The following ROBO1 variants were observed in gnomAD, a reference collection of about 807,000 sequenced individuals.
ROBO1 encodes roundabout homolog 1.
In ROBO1, 149 loss-of-function variants were observed where a neutral mutation model predicts 195.9. The ratio of observed to expected loss-of-function variants is 0.76; its 90% CI spans 0.67 to 0.87. The LOEUF (loss-of-function observed/expected upper bound fraction) is 0.87. Ranked by LOEUF, ROBO1 falls within the 40% of genes least tolerant of loss-of-function variation. ROBO1 has a pLI of 0.00. For missense variants in ROBO1, 1,933 were observed against 2,068.3 expected, an observed-to-expected ratio of 0.93 and a Z score of 1.27; for synonymous variants, 816 against 733.2, an observed-to-expected ratio of 1.11 and a Z score of -1.82.
chr3:79,520,617 A>G (rs907609154), intron 2 of ROBO1, among the ~76,000 whole-genome samples: 3 of 152,232 alleles, frequency 2.0e-5, no homozygotes, highest in African/African-American at 7.2e-5. Flanking sequence ...TAAGATAAAG[A>G]TAGAGAAACT....
chr3:79,172,540 G>A lies in ROBO1; in HGVS notation c.89-47001C>T, dbSNP rs148909118. 1.1e-3 allele frequency among the ~76,000 whole-genome samples: 163 copies of A among 152,210 alleles called. 1 individual carries two copies. The highest frequency in any genetic ancestry group is 3.8e-3 in the African/African-American group (156 of 41,534). On this transcript the variant is annotated intron_variant, in intron 2 of 30. Coordinates refer to ENST00000464233, the MANE Select transcript of ROBO1 (RefSeq NM_002941.4). ...CTTCAAAGATGGATTATCACAGATT[G>A]TCTTCAGCTTTGTTAATTTGGAACA... is the stretch of plus-strand genomic sequence containing the variant.
chr3:79,153,428 T>A (rs11925386), intron 2 of ROBO1, among the ~76,000 whole-genome samples: 5,278 of 151,762 alleles, frequency 0.035, 269 homozygotes, highest in African/African-American at 0.12. Context: ...ATTAAAAGAA[T>A]CTTCCAATTA....
At chr3:79,689,447 A>G (rs1947235932) in intron 1 of ROBO1, among the ~76,000 whole-genome samples, 1 of 151,868 alleles carries the variant, frequency 6.6e-6, no homozygotes, top group Non-Finnish European at 1.5e-5. Context: ...TACATTTAAG[A>G]TCTATAATCA....
At chr3:79,210,994 A>G (rs1325972051) in intron 2 of ROBO1, among the ~76,000 whole-genome samples, 1 of 152,184 alleles carries the variant, frequency 6.6e-6, no homozygotes, top group Non-Finnish European at 1.5e-5. Flanking sequence ...ATAGGCATAT[A>G]ATATTAATAC....
At chr3:79,276,873 A>T (rs1196442828) in intron 2 of ROBO1, among the ~76,000 whole-genome samples, 2 of 152,086 alleles carry the variant, frequency 1.3e-5, no homozygotes, top group Non-Finnish European at 2.9e-5. Context: ...AAAGTGCTCA[A>T]CACAATTGAT....
At chr3:79,519,715 G>T (rs28445688) in intron 2 of ROBO1, among the ~76,000 whole-genome samples, 2,108 of 151,590 alleles carry the variant, frequency 0.014, 47 homozygotes, top group African/African-American at 0.049. Context: ...AGAAGGTTGA[G>T]AGTGAAAGTG....
intron 3 of ROBO1, among the ~76,000 whole-genome samples, chr3:79,115,892 A>T (rs2079984553): frequency 6.6e-6 from 1 of 152,184 alleles, no homozygotes; most frequent in Non-Finnish European, 1.5e-5. Flanking sequence ...TCCAACAAAA[A>T]AATTATTTTC....
In ROBO1 at chr3:78,678,715, G is replaced by A. The variant is rs1220009290; in HGVS notation, c.1342+7031C>T. On this transcript the variant is annotated intron_variant, in intron 10 of 30. Coordinates refer to ENST00000464233, the MANE Select transcript of ROBO1 (RefSeq NM_002941.4). ...ACCAACCAAAAAGAGTCCAGGACCA[G>A]ATGGATTCACAGCCGAATTCTACCA... 3.9e-5 allele frequency among the ~76,000 whole-genome samples: 6 copies of A among 152,310 alleles called. No homozygotes were observed. In the East Asian group the frequency reaches 1.2e-3, roughly 29 times the overall value.
intron 4 of ROBO1, among the ~76,000 whole-genome samples, chr3:78,918,398 A>T (rs887939125): frequency 6.6e-6 from 1 of 152,154 alleles, no homozygotes; most frequent in Admixed American, 6.5e-5. Context: ...CATGACAGAG[A>T]GCGGCTTGGA....
intron 2 of ROBO1, among the ~76,000 whole-genome samples, chr3:79,561,794 G>C (rs1047475471): frequency 3.3e-5 from 5 of 152,096 alleles, no homozygotes; most frequent in Non-Finnish European, 5.9e-5. Flanking sequence ...TTTAATAATG[G>C]CAAGATGAAG....
chr3:78,663,763 A>T (rs1707571963), intron 14 of ROBO1, among the ~76,000 whole-genome samples: 1 of 152,220 alleles, frequency 6.6e-6, no homozygotes, highest in Non-Finnish European at 1.5e-5. Flanking sequence ...TATATAGCAT[A>T]GTGCCATATA....
At chr3:79,099,704 T>C (rs2079639792) in intron 3 of ROBO1, among the ~76,000 whole-genome samples, 1 of 151,854 alleles carries the variant, frequency 6.6e-6, no homozygotes, top group South Asian at 2.1e-4. Flanking sequence ...ATTATAAGCA[T>C]ATTTTATGCA....
At chr3:78,693,638 T>C (rs1159932781) in intron 8 of ROBO1, among the ~76,000 whole-genome samples, 1 of 152,134 alleles carries the variant, frequency 6.6e-6, no homozygotes, top group East Asian at 1.9e-4. Context: ...TATAAAACAT[T>C]TTAAAATAAC....
intron 2 of ROBO1, among the ~76,000 whole-genome samples, chr3:79,420,553 T>C (rs2038182334): frequency 6.6e-6 from 1 of 152,150 alleles, no homozygotes; most frequent in Non-Finnish European, 1.5e-5. Context: ...GTTCCTGTCA[T>C]CCCAAATGTC....
intron 4 of ROBO1, among the ~76,000 whole-genome samples, chr3:78,813,517 A>G (rs889257766): frequency 1.3e-5 from 2 of 152,132 alleles, no homozygotes; most frequent in Non-Finnish European, 2.9e-5. Context: ...TGAAACATTA[A>G]TATCCTTACT....
At chr3:79,252,759 T>C (rs562285033) in intron 2 of ROBO1, among the ~76,000 whole-genome samples, 7 of 152,302 alleles carry the variant, frequency 4.6e-5, no homozygotes, top group African/African-American at 1.7e-4. Context: ...ATAATAAATA[T>C]AGCCAAAAAT....
At chr3:78,892,344 C>G (rs1481740123) in intron 4 of ROBO1, among the ~76,000 whole-genome samples, 1 of 152,118 alleles carries the variant, frequency 6.6e-6, no homozygotes, top group Non-Finnish European at 1.5e-5. Context: ...TGAAACTGGT[C>G]CCTGATGCCA....
At chr3:79,579,757 C>G (rs1259896842) in intron 2 of ROBO1, among the ~76,000 whole-genome samples, 1 of 151,742 alleles carries the variant, frequency 6.6e-6, no homozygotes, top group African/African-American at 2.4e-5. Flanking sequence ...CTGAATTTCT[C>G]AACATATTAG....
At chr3:79,558,268 T>C (rs200693707) in intron 2 of ROBO1, among the ~76,000 whole-genome samples, 1 of 152,128 alleles carries the variant, frequency 6.6e-6, no homozygotes, top group Non-Finnish European at 1.5e-5. Flanking sequence ...ACCAACCTTC[T>C]TCTTCCGCTT....
Sources: allele counts gnomAD v4.1 joint callset (sites outside exome capture counted in the v4.1 genomes callset), GRCh38; gene constraint gnomAD v4.1.1; transcripts MANE v1.5; gene names NCBI Gene and HGNC (gene_info 2026-07-23, HGNC 2026-07-21).